YIPF7: variants seen among roughly 807,000 people sequenced by gnomAD.
YIPF7 encodes protein YIPF7.
A neutral mutation model predicts 27.2 loss-of-function variants in YIPF7; 35 were observed. The observed-to-expected ratio is 1.29, with a 90% CI of 0.98 to 1.70. The LOEUF is 1.70. Ranked by LOEUF, YIPF7 falls within the 40% of genes most tolerant of loss-of-function variation. The pLI is 0.00. For missense variants in YIPF7, 358 were observed against 303.7 expected, an observed-to-expected ratio of 1.18 and a Z score of -1.33; for synonymous variants, 137 against 110.4, an observed-to-expected ratio of 1.24 and a Z score of -1.51.
chr4:44,658,302 G>C (rs1190250181), intron 2 of YIPF7, among the ~76,000 whole-genome samples: 3 of 152,146 alleles, frequency 2.0e-5, no homozygotes, highest in Non-Finnish European at 4.4e-5. Context: ...TAAGAACTCA[G>C]CAGTCTGCAA....
At chr4:44,648,753 A>T (rs1292616771) in intron 2 of YIPF7, among the ~76,000 whole-genome samples, 1 of 152,066 alleles carries the variant, frequency 6.6e-6, no homozygotes, top group East Asian at 1.9e-4. Flanking sequence ...TATTATCATA[A>T]TTTTTTTCAT....
chr4:44,630,055 G>A (rs773342914), intron 3 of YIPF7, among the ~76,000 whole-genome samples: 5 of 152,036 alleles, frequency 3.3e-5, no homozygotes, highest in East Asian at 1.9e-4. Context: ...CAGCTCCTCC[G>A]CCTCCTGGGT....
At position 44,635,959 on chromosome 4, in the gene YIPF7, G is replaced by T. The variant is rs772856530; in HGVS notation, c.243C>A (p.Tyr81Ter). The T allele has an allele frequency of 2.4e-5, 39 of 1,613,772 alleles. No individual in the cohort carries two copies. The East Asian group carries it at 6.9e-4, about 29-fold the overall frequency. ...GAGGCTCTTCATCAAAACTGTCAAT[G>T]TAAGGAGATTGTGAATAATAATCTG... Reference protein sequence around the residue: ...SNSDYYSQSPYIDSFDEEPPL... With the variant: ...SNSDYYSQSP The change falls in exon 3 of 6, where the codon TAC becomes TAA. Residue 81 changes from tyrosine to a stop codon, truncating the protein, a stop_gained. Transcript: ENST00000415895. LOFTEE classifies it high-confidence loss of function.
chr4:44,657,647 G>T (rs1324593753), intron 2 of YIPF7, among the ~76,000 whole-genome samples: 1 of 152,114 alleles, frequency 6.6e-6, no homozygotes, highest in Non-Finnish European at 1.5e-5. Context: ...GACCATTGCA[G>T]TCTTTCCGTC....
chr4:44,629,311 G>A, intron 4 of YIPF7, 92 bp downstream of exon 4: 2 of 1,301,356 alleles, frequency 1.5e-6, no homozygotes, highest in Non-Finnish European at 2.0e-6. Flanking sequence ...TATGTAAGGT[G>A]ACACAGTTTC....
chr4:44,642,290 A>G (rs1182517281), intron 2 of YIPF7, among the ~76,000 whole-genome samples: 2 of 152,206 alleles, frequency 1.3e-5, no homozygotes, highest in East Asian at 3.8e-4. Flanking sequence ...TAATGGGGTT[A>G]TAATACTAAA....
chr4:44,662,135 CT>C (rs1397423495), intron 1 of YIPF7, among the ~76,000 whole-genome samples: 1 of 152,160 alleles, frequency 6.6e-6, no homozygotes, highest in African/African-American at 2.4e-5. Context: ...TACAAGACCC[CT>C]AGTGGGTGCC....
intron 2 of YIPF7, among the ~76,000 whole-genome samples, chr4:44,640,988 A>G (rs1232168193): frequency 6.6e-6 from 1 of 151,908 alleles, no homozygotes; most frequent in Non-Finnish European, 1.5e-5. Flanking sequence ...CTCCCTCCCT[A>G]AAGCAGTTCC....
intron 2 of YIPF7, among the ~76,000 whole-genome samples, chr4:44,644,690 TG>T (rs1713462709): frequency 6.6e-6 from 1 of 152,120 alleles, no homozygotes; most frequent in Non-Finnish European, 1.5e-5. Context: ...TTTGGGGAAC[TG>T]TTGGGAAGGC....
At chr4:44,623,336 G>C (rs1173913394) in intron 5 of YIPF7, among the ~76,000 whole-genome samples, 4 of 152,132 alleles carry the variant, frequency 2.6e-5, no homozygotes, top group Non-Finnish European at 5.9e-5. Context: ...CATAAGAGCT[G>C]GGAGAAATCT....
upstream of YIPF7, among the ~76,000 whole-genome samples, chr4:44,654,793 T>C (rs906115660): frequency 6.6e-6 from 1 of 152,028 alleles, no homozygotes; most frequent in Non-Finnish European, 1.5e-5. Context: ...TATCTCTCAC[T>C]AACCAATTTC....
At chr4:44,639,396 G>C (rs1713247994) in intron 2 of YIPF7, among the ~76,000 whole-genome samples, 1 of 152,034 alleles carries the variant, frequency 6.6e-6, no homozygotes, top group Non-Finnish European at 1.5e-5. Flanking sequence ...TTTCCTTGTA[G>C]ATATCTTTCA....
chr4:44,636,846 T>A (rs934075215), intron 2 of YIPF7, among the ~76,000 whole-genome samples: 2 of 152,108 alleles, frequency 1.3e-5, no homozygotes, highest in African/African-American at 2.4e-5. Flanking sequence ...TTTTAGGGTA[T>A]CCAAAACCCA....
intron 2 of YIPF7, among the ~76,000 whole-genome samples, chr4:44,643,140 T>C (rs553815554): frequency 9.9e-5 from 15 of 152,216 alleles, no homozygotes; most frequent in Admixed American, 4.6e-4. Flanking sequence ...ATGCTGACGG[T>C]GATATGGACA....
intron 2 of YIPF7, among the ~76,000 whole-genome samples, chr4:44,645,566 A>T (rs1370266081): frequency 6.6e-6 from 1 of 152,234 alleles, no homozygotes; most frequent in Non-Finnish European, 1.5e-5. Flanking sequence ...AAGAAAATGT[A>T]ACTCTTCTCC....
chr4:44,660,263 C>G (rs1162915544), intron 2 of YIPF7, among the ~76,000 whole-genome samples: 2 of 151,960 alleles, frequency 1.3e-5, no homozygotes, highest in Non-Finnish European at 2.9e-5. Context: ...TTTGATACTC[C>G]TTTTTAAAAA....
At position 44,635,944 on chromosome 4, in the gene YIPF7, A is replaced by G. The variant is rs767116538; in HGVS notation, c.258T>C (p.Asp86=). 6.2e-7 allele frequency: 1 copy of G among 1,613,850 alleles called. No individual in the cohort carries two copies. The highest frequency in any genetic ancestry group is 1.7e-5 in the Admixed American group (1 of 59,992). The change falls in exon 3 of 6, where the codon GAT becomes GAC. Residue 86 remains aspartate (D), a synonymous_variant. Coordinates refer to ENST00000415895, the MANE Select transcript of YIPF7 (RefSeq NM_182592.3). ...YSQSPYIDSF[D]EEPPLLEELG... ...TATCTTCTAGCAAAGGAGGCTCTTC[A>G]TCAAAACTGTCAATGTAAGGAGATT...
At chr4:44,635,876 T>G (rs904631928) in intron 3 of YIPF7, 46 bp downstream of exon 3, 2 of 1,595,648 alleles carry the variant, frequency 1.3e-6, no homozygotes, top group African/African-American at 2.7e-5. Context: ...ATTATTGCTA[T>G]TATTCTTCTA....
chr4:44,660,031 G>A (rs1205120072), intron 2 of YIPF7, among the ~76,000 whole-genome samples: 8 of 144,028 alleles, frequency 5.6e-5, no homozygotes, highest in South Asian at 4.6e-4. Flanking sequence ...GGAGAATGGC[G>A]TGAACCTGGG....
Sources: gnomAD v4.1 joint callset for allele counts (sites outside exome capture counted in the v4.1 genomes callset) on GRCh38, gnomAD v4.1.1 for gene constraint, MANE v1.5 for transcripts, NCBI Gene and HGNC (gene_info 2026-07-23, HGNC 2026-07-21) for gene names.